The following ZBTB16 variants were observed in gnomAD, a reference collection of about 807,000 sequenced individuals.
ZBTB16 encodes the protein zinc finger and BTB domain-containing protein 16.
ZBTB16 carries 8 observed loss-of-function variants against 56.8 expected under a neutral mutation model. The ratio of observed to expected loss-of-function variants is 0.14; its 90% CI spans 0.08 to 0.25. The LOEUF (loss-of-function observed/expected upper bound fraction) is 0.25, where lower values mean the gene tolerates loss of function less well. Ranked by LOEUF, ZBTB16 falls within the 10% of genes least tolerant of loss-of-function variation. The pLI, the probability that ZBTB16 is intolerant of heterozygous loss-of-function variation, is 1.00. For missense variants in ZBTB16, 625 were observed against 903.0 expected (o/e 0.69, Z 3.95); for synonymous variants, 363 against 368.5 (o/e 0.98, Z 0.17).
Position 114,220,327 on chromosome 11 carries a change from G to A in ZBTB16, c.1454-21840G>A, listed in dbSNP as rs1158943364. 2.0e-5 allele frequency among the ~76,000 whole-genome samples: 3 copies of A among 152,200 alleles called. No individual in the cohort carries two copies. In the East Asian group the frequency reaches 5.8e-4, roughly 29 times the overall value. On this transcript the variant is annotated intron_variant, in intron 4 of 6. Coordinates refer to ENST00000335953, the MANE Select transcript of ZBTB16 (RefSeq NM_006006.6). ...AATAGCAGCCATTCAGGCCTCCACT[G>A]TGGTGTTGGAGTGGGGGATGTGTGT...
At chr11:114,205,925 T>C (rs1943859520) in intron 4 of ZBTB16, among the ~76,000 whole-genome samples, 3 of 152,164 alleles carry the variant, frequency 2.0e-5, no homozygotes, top group Admixed American at 1.3e-4. Context: ...GGTTTTTCTA[T>C]TTTGAAATGG....
chr11:114,079,070 G>A (rs960527397), intron 2 of ZBTB16, among the ~76,000 whole-genome samples: 7 of 150,102 alleles, frequency 4.7e-5, no homozygotes, highest in Admixed American at 1.3e-4. Flanking sequence ...AGATCCTGCC[G>A]TTGCACTCCA....
At chr11:114,205,560 T>TC (rs1943848171) in intron 4 of ZBTB16, among the ~76,000 whole-genome samples, 1 of 152,172 alleles carries the variant, frequency 6.6e-6, no homozygotes, top group Non-Finnish European at 1.5e-5. Context: ...AAGTGTGCAT[T>TC]GTCAGATGGG....
chr11:114,247,584 C>T (rs564886621), intron 6 of ZBTB16, among the ~76,000 whole-genome samples: 9 of 152,342 alleles, frequency 5.9e-5, no homozygotes, highest in African/African-American at 2.2e-4. Flanking sequence ...CATTACTAAT[C>T]AATCCCAGCA....
chr11:114,099,273 T>TA (rs1940524937), intron 2 of ZBTB16, among the ~76,000 whole-genome samples: 1 of 152,184 alleles, frequency 6.6e-6, no homozygotes, highest in Non-Finnish European at 1.5e-5. Flanking sequence ...ACAGTGGTCT[T>TA]ACAGCCTGTG....
At chr11:114,199,366 T>C (rs574984450) in intron 4 of ZBTB16, among the ~76,000 whole-genome samples, 14 of 148,778 alleles carry the variant, frequency 9.4e-5, no homozygotes, top group South Asian at 2.1e-4. Flanking sequence ...ACGGGGCTGC[T>C]GGACATGGAT....
At chr11:114,206,796 A>G (rs1198180353) in intron 4 of ZBTB16, among the ~76,000 whole-genome samples, 2 of 152,224 alleles carry the variant, frequency 1.3e-5, no homozygotes, top group Admixed American at 1.3e-4. Flanking sequence ...TGATGTTTTT[A>G]GGTTCCCCAT....
chr11:114,110,683 C>T (rs1565630678), intron 2 of ZBTB16, among the ~76,000 whole-genome samples: 1 of 152,064 alleles, frequency 6.6e-6, no homozygotes, highest in East Asian at 1.9e-4. Context: ...CATGATTAAG[C>T]TGATTTGATT....
intron 2 of ZBTB16, among the ~76,000 whole-genome samples, chr11:114,101,309 T>G (rs1299445342): frequency 2.0e-5 from 3 of 151,802 alleles, no homozygotes; most frequent in African/African-American, 7.3e-5. Flanking sequence ...GAGGCCTTGT[T>G]TGGTGTTTTT....
At chr11:114,235,111 T>C (rs1018506978) in intron 4 of ZBTB16, among the ~76,000 whole-genome samples, 1 of 152,138 alleles carries the variant, frequency 6.6e-6, no homozygotes, top group Non-Finnish European at 1.5e-5. Flanking sequence ...CTAAATTTGA[T>C]ATTTTCTTTC....
intron 2 of ZBTB16, among the ~76,000 whole-genome samples, chr11:114,138,360 C>T (rs915902970): frequency 5.3e-5 from 8 of 152,272 alleles, no homozygotes; most frequent in African/African-American, 9.6e-5. Flanking sequence ...ATCAACTTCA[C>T]GGAGAGAAGA....
At chr11:114,134,851 A>G (rs1296871855) in intron 2 of ZBTB16, among the ~76,000 whole-genome samples, 3 of 152,238 alleles carry the variant, frequency 2.0e-5, no homozygotes, top group Non-Finnish European at 2.9e-5. Context: ...TGCCTATTGT[A>G]TGATAGACAC....
chr11:114,178,292 T>C (rs1943167227), intron 3 of ZBTB16, among the ~76,000 whole-genome samples: 1 of 152,244 alleles, frequency 6.6e-6, no homozygotes, highest in Admixed American at 6.5e-5. Flanking sequence ...GCTATTATTG[T>C]ATGCCAGACA....
chr11:114,210,921 TTTTTG>T (rs1182309259), intron 4 of ZBTB16: 2 of 191,746 alleles, frequency 1.0e-5, no homozygotes, highest in Non-Finnish European at 2.2e-5. Context: ...GTTGATTTTT[TTTTTG>T]TTTTGTTTTA....
chr11:114,095,772 C>T (rs900334374), intron 2 of ZBTB16, among the ~76,000 whole-genome samples: 2 of 152,104 alleles, frequency 1.3e-5, no homozygotes, highest in African/African-American at 2.4e-5. Flanking sequence ...GCTTGGGTGC[C>T]GTGTTGACAA....
chr11:114,153,238 T>A (rs1205045126), intron 2 of ZBTB16, among the ~76,000 whole-genome samples: 1 of 152,202 alleles, frequency 6.6e-6, no homozygotes, highest in Non-Finnish European at 1.5e-5. Context: ...AGCAAACCAG[T>A]GCTGGGCTCT....
chr11:114,176,576 G>T (rs1021591282), intron 3 of ZBTB16, among the ~76,000 whole-genome samples: 1 of 152,164 alleles, frequency 6.6e-6, no homozygotes, highest in Non-Finnish European at 1.5e-5. Context: ...CCCAGCCCTC[G>T]CTTGGTCTCA....
chr11:114,155,461 G>C (rs1942386390), intron 2 of ZBTB16, among the ~76,000 whole-genome samples: 2 of 113,542 alleles, frequency 1.8e-5, no homozygotes, highest in South Asian at 4.4e-4. Context: ...GAGGCCCCGG[G>C]TTGGGGGTTG....
At chr11:114,231,426 T>C (rs965984425) in intron 4 of ZBTB16, among the ~76,000 whole-genome samples, 2 of 152,148 alleles carry the variant, frequency 1.3e-5, no homozygotes, top group African/African-American at 2.4e-5. Flanking sequence ...AGCCCTCACC[T>C]GGCACAGAGA....
Sources: gnomAD v4.1 joint callset for allele counts (sites outside exome capture counted in the v4.1 genomes callset) on GRCh38, gnomAD v4.1.1 for gene constraint, MANE v1.5 for transcripts, NCBI Gene and HGNC (gene_info 2026-07-23, HGNC 2026-07-21) for gene names.